Variants in COL21A1 observed in about 807,000 individuals in gnomAD.
The protein encoded by COL21A1 is collagen alpha-1(XXI) chain.
In COL21A1, 149 loss-of-function variants were observed where a neutral mutation model predicts 137.9. The observed-to-expected ratio is 1.08, with a 90% CI of 0.95 to 1.24. The LOEUF (loss-of-function observed/expected upper bound fraction) is 1.24, where lower values mean the gene tolerates loss of function less well. Among genes scored for constraint, COL21A1 ranks in the 50% most tolerant of loss-of-function variants. The pLI is 0.00. For missense variants in COL21A1, 1,167 were observed against 1,158.4 expected (o/e 1.01, Z -0.11); for synonymous variants, 456 against 391.5 (o/e 1.16, Z -1.95).
intron 13 of COL21A1, among the ~76,000 whole-genome samples, chr6:56,125,826 A>G (rs1036555554): frequency 6.6e-6 from 1 of 152,056 alleles, no homozygotes; most frequent in Non-Finnish European, 1.5e-5. Flanking sequence ...TGCTATAACA[A>G]GGCTTATAGT....
chr6:56,167,233 C>T (rs143843146), intron 6 of COL21A1, among the ~76,000 whole-genome samples: 156 of 152,246 alleles, frequency 1.0e-3, no homozygotes, highest in African/African-American at 3.7e-3. Context: ...CTCAGTGAGG[C>T]TTTTTTAGTA....
intron 1 of COL21A1, among the ~76,000 whole-genome samples, chr6:56,290,057 A>G (rs761822722): frequency 2.5e-4 from 38 of 152,004 alleles, no homozygotes; most frequent in Non-Finnish European, 1.9e-4. Context: ...GTAACCCCCT[A>G]TTAAAACCCC....
intron 1 of COL21A1, among the ~76,000 whole-genome samples, chr6:56,378,826 G>A (rs1054256162): frequency 3.9e-5 from 6 of 152,198 alleles, no homozygotes; most frequent in Non-Finnish European, 7.3e-5. Flanking sequence ...TAGTGGTGGT[G>A]GCCACAGGAG....
chr6:56,217,669 A>C (rs1780573564), intron 1 of COL21A1, among the ~76,000 whole-genome samples: 1 of 152,054 alleles, frequency 6.6e-6, no homozygotes, highest in Non-Finnish European at 1.5e-5. Flanking sequence ...GTTCTCTCCA[A>C]TCTACCACAC....
At chr6:56,180,836 T>C (rs1307213003) in intron 2 of COL21A1, among the ~76,000 whole-genome samples, 1 of 152,248 alleles carries the variant, frequency 6.6e-6, no homozygotes, top group Non-Finnish European at 1.5e-5. Flanking sequence ...AATATAGCTG[T>C]TCTTTTCTGC....
chr6:56,073,488 A>T (rs1426987596), intron 20 of COL21A1, among the ~76,000 whole-genome samples: 2 of 151,480 alleles, frequency 1.3e-5, no homozygotes, highest in Non-Finnish European at 3.0e-5. Flanking sequence ...CCCTGAGGCA[A>T]TGCTTAGTCA....
intron 19 of COL21A1, 76 bp downstream of exon 19, chr6:56,075,403 C>G (rs1014614434): frequency 1.7e-6 from 2 of 1,155,168 alleles, no homozygotes; most frequent in Non-Finnish European, 2.4e-6. Context: ...TTTATGAACT[C>G]TCGAATATGA....
chr6:56,126,509 C>T (rs1773061193), intron 12 of COL21A1: 1 of 193,964 alleles, frequency 5.2e-6, no homozygotes, highest in Admixed American at 6.1e-5. Flanking sequence ...CCTCTGAGGT[C>T]CAATCCAGCT....
At chr6:56,337,874 C>T (rs557714493) in intron 1 of COL21A1, among the ~76,000 whole-genome samples, 1 of 152,134 alleles carries the variant, frequency 6.6e-6, no homozygotes, top group East Asian at 1.9e-4. Context: ...AACATAGTTT[C>T]ACATTCACTG....
At chr6:56,285,468 C>T (rs941968644) in intron 1 of COL21A1, among the ~76,000 whole-genome samples, 1 of 152,100 alleles carries the variant, frequency 6.6e-6, no homozygotes, top group Non-Finnish European at 1.5e-5. Flanking sequence ...TTACCTCAAA[C>T]AACAAAAATT....
At chr6:56,087,209 T>C (rs1768350846) in intron 17 of COL21A1, among the ~76,000 whole-genome samples, 1 of 152,186 alleles carries the variant, frequency 6.6e-6, no homozygotes, top group Non-Finnish European at 1.5e-5. Flanking sequence ...ATTTTATGTT[T>C]CAGGCTTCAT....
At position 56,182,859 on chromosome 6, in the gene COL21A1, C is replaced by T. The variant is rs569045459; in HGVS notation, c.-38-203G>A. 2.0e-5 allele frequency among the ~76,000 whole-genome samples: 3 copies of T among 152,216 alleles called. No individual in the cohort carries two copies. The South Asian group carries it at 6.2e-4, about 32-fold the overall frequency. The stretch of plus-strand genomic sequence containing the variant: ...AATAGTGGCTAAAGACCATGATAAA[C>T]CTTAATTCTTAATTGTCTTCAGAAA... On this transcript the variant is annotated intron_variant, in intron 1 of 29. Coordinates refer to ENST00000244728, the MANE Select transcript of COL21A1 (RefSeq NM_030820.4).
At chr6:56,293,821 A>C (rs898655373) in intron 1 of COL21A1, among the ~76,000 whole-genome samples, 2 of 152,212 alleles carry the variant, frequency 1.3e-5, no homozygotes, top group Non-Finnish European at 2.9e-5. Flanking sequence ...GTCCCATGAA[A>C]ATTTCCAAAC....
chr6:56,252,981 T>C (rs1272428240), intron 1 of COL21A1, among the ~76,000 whole-genome samples: 4 of 152,184 alleles, frequency 2.6e-5, no homozygotes, highest in South Asian at 2.1e-4. Context: ...AAGAGCCTAA[T>C]ACACAATAGC....
chr6:56,361,832 A>G (rs771359192), intron 1 of COL21A1, among the ~76,000 whole-genome samples: 6 of 152,160 alleles, frequency 3.9e-5, no homozygotes, highest in Non-Finnish European at 8.8e-5. Flanking sequence ...GGCAACCAAT[A>G]TCTCTTTAAG....
chr6:56,256,488 C>T (rs768588299), intron 1 of COL21A1, among the ~76,000 whole-genome samples: 7 of 151,958 alleles, frequency 4.6e-5, no homozygotes, highest in Admixed American at 4.6e-4. Context: ...AAAATTAATT[C>T]GCATCAAATT....
At chr6:56,252,485 G>A (rs1782877127), upstream of COL21A1, among the ~76,000 whole-genome samples, 1 of 152,144 alleles carries the variant, frequency 6.6e-6, no homozygotes, top group Non-Finnish European at 1.5e-5. Flanking sequence ...GGAAATATAT[G>A]AGTAGCTCCC....
At chr6:56,133,117 G>A (rs1157363369) in intron 12 of COL21A1, among the ~76,000 whole-genome samples, 1 of 152,188 alleles carries the variant, frequency 6.6e-6, no homozygotes, top group African/African-American at 2.4e-5. Flanking sequence ...GCAGAGGTTG[G>A]AACAGTTTGG....
At chr6:56,113,824 G>A (rs1224253796) in intron 16 of COL21A1, among the ~76,000 whole-genome samples, 3 of 152,106 alleles carry the variant, frequency 2.0e-5, no homozygotes, top group Admixed American at 6.5e-5. Context: ...GGGCCACAGG[G>A]GATCCCACTG....
Sources: gnomAD v4.1 joint callset for allele counts (sites outside exome capture counted in the v4.1 genomes callset) on GRCh38, gnomAD v4.1.1 for gene constraint, MANE v1.5 for transcripts, NCBI Gene and HGNC (gene_info 2026-07-23, HGNC 2026-07-21) for gene names.